Variants in GPBP1 observed in about 807,000 individuals in gnomAD.
GPBP1 encodes the protein vasculin.
A neutral mutation model predicts 56.5 loss-of-function variants in GPBP1; 13 were observed. The observed-to-expected ratio is 0.23, with a 90% CI of 0.15 to 0.37. The LOEUF is 0.37. Ranked by LOEUF, GPBP1 falls within the 10% of genes least tolerant of loss-of-function variation. GPBP1 has a pLI of 1.00. For synonymous variants in GPBP1, 204 were observed against 188.9 expected (o/e 1.08, Z -0.66); for missense variants, 477 against 572.3 (o/e 0.83, Z 1.70).
rs559891341 is a variant in GPBP1 at position 57,240,413 on chromosome 5, A to C, written c.478+4381A>C. 2.6e-5 allele frequency among the ~76,000 whole-genome samples: 4 copies of C among 152,326 alleles called. No individual in the cohort carries two copies. The East Asian group carries it at 7.7e-4, about 29-fold the overall frequency. ...GATGACTCTTGACGTCACTTGGTAT[A>C]GTGCACACTTATAAGCCTCTTACCC... On this transcript the variant is annotated intron_variant, in intron 6 of 11. Transcript: ENST00000506184.
At chr5:57,237,277 T>A in intron 6 of GPBP1, 1 of 811,652 alleles carries the variant, frequency 1.2e-6, no homozygotes, top group East Asian at 2.7e-5. Context: ...TAGGAATAAT[T>A]TGGATTTGAT....
chr5:57,184,395 C>T lies in GPBP1; in HGVS notation c.-58+7995C>T, dbSNP rs1358112787. Among the ~76,000 whole-genome samples the T allele has an allele frequency of 3.3e-5, 5 of 152,148 alleles. No homozygotes were observed. In the East Asian group the frequency reaches 9.7e-4, roughly 29 times the overall value. Reference sequence around the variant, plus strand: ...TGTGTAGGAATCTTGGTAGTGGCATCTGCTTGGCTTCTGGTGAGGCCTCAG... The same window carrying T: ...TGTGTAGGAATCTTGGTAGTGGCATTTGCTTGGCTTCTGGTGAGGCCTCAG... On this transcript the variant is annotated intron_variant, in intron 2 of 11. Coordinates refer to ENST00000506184, the MANE Select transcript of GPBP1 (RefSeq NM_022913.4).
At chr5:57,224,135 A>G (rs2111817929) in intron 3 of GPBP1, among the ~76,000 whole-genome samples, 1 of 151,992 alleles carries the variant, frequency 6.6e-6, no homozygotes, top group African/African-American at 2.4e-5. Context: ...GCCCGGCCTT[A>G]AATTATATTT....
At chr5:57,238,634 T>C (rs1034641810) in intron 6 of GPBP1, among the ~76,000 whole-genome samples, 9 of 152,186 alleles carry the variant, frequency 5.9e-5, no homozygotes, top group African/African-American at 2.2e-4. Flanking sequence ...AGTACTGTTT[T>C]TGTGCCAGTG....
chr5:57,228,291 C>A (rs1485734890), intron 3 of GPBP1, among the ~76,000 whole-genome samples: 1 of 152,002 alleles, frequency 6.6e-6, no homozygotes, highest in Non-Finnish European at 1.5e-5. Flanking sequence ...CCCATCTCTA[C>A]TGAAAGTACA....
At chr5:57,250,371 A>G (rs1741324554) in intron 9 of GPBP1, among the ~76,000 whole-genome samples, 1 of 151,960 alleles carries the variant, frequency 6.6e-6, no homozygotes, top group South Asian at 2.1e-4. Context: ...TTTAAAAAGC[A>G]TTCTTGTTTA....
In GPBP1 at chr5:57,175,577, C is replaced by G. The variant is rs531731161; in HGVS notation, c.-881C>G. On this transcript the variant is annotated 5_prime_UTR_variant, in exon 2 of 12. Coordinates refer to ENST00000506184, the MANE Select transcript of GPBP1 (RefSeq NM_022913.4). Reference sequence around the variant, plus strand: ...TGCCCCAGAAGTTTATTAAAATTGGCAAGAATCGTCTGTGAAGTGAATTGA... The same window carrying G: ...TGCCCCAGAAGTTTATTAAAATTGGGAAGAATCGTCTGTGAAGTGAATTGA... 1 of 398,026 alleles carries G rather than the reference C, an allele frequency of 2.5e-6. No individual in the cohort carries two copies. The highest frequency in any genetic ancestry group is 4.4e-6 in the Non-Finnish European group (1 of 225,826). The allele number at this position is 398,026 out of a possible 1,614,324, so 24.7% of individuals were successfully genotyped here. A position where few individuals can be genotyped will look rare whatever the true frequency, so the allele number is the denominator to read the frequency against.
At chr5:57,196,594 T>C (rs1754757024) in intron 2 of GPBP1, among the ~76,000 whole-genome samples, 1 of 152,076 alleles carries the variant, frequency 6.6e-6, no homozygotes, top group Non-Finnish European at 1.5e-5. Flanking sequence ...TATTTATTTA[T>C]TTATTTATTT....
chr5:57,247,935 A>G (rs1741172707), intron 8 of GPBP1, among the ~76,000 whole-genome samples: 3 of 151,908 alleles, frequency 2.0e-5, no homozygotes, highest in Admixed American at 2.0e-4. Context: ...AGAGACGAGG[A>G]TCTTGCTATG....
intron 2 of GPBP1, among the ~76,000 whole-genome samples, chr5:57,187,018 G>GTGTGTGTGTGTGTGTGTGTA: frequency 6.7e-6 from 1 of 150,084 alleles, no homozygotes; most frequent in East Asian, 1.9e-4. Flanking sequence ...GTGTGTGTGT[G>GTGTGTGTGTGTGTGTGTGTA]TGTGTGTGTG....
intron 10 of GPBP1, among the ~76,000 whole-genome samples, chr5:57,254,611 C>T (rs1290407562): frequency 6.6e-6 from 1 of 150,998 alleles, no homozygotes; most frequent in Non-Finnish European, 1.5e-5. Context: ...ATGAGAATCA[C>T]TTGAATCTGG....
At chr5:57,232,977 A>G (rs1479969014) in intron 5 of GPBP1, among the ~76,000 whole-genome samples, 1 of 152,220 alleles carries the variant, frequency 6.6e-6, no homozygotes. Context: ...AGAGGAAAGG[A>G]TTTAAATTGA....
chr5:57,190,310 C>T (rs1187403806), intron 2 of GPBP1, among the ~76,000 whole-genome samples: 1 of 152,032 alleles, frequency 6.6e-6, no homozygotes, highest in African/African-American at 2.4e-5. Context: ...ATCAGCTGGG[C>T]GTGGTGGCTC....
intron 3 of GPBP1, among the ~76,000 whole-genome samples, chr5:57,215,898 C>T (rs186677131): frequency 6.6e-6 from 1 of 151,352 alleles, no homozygotes; most frequent in African/African-American, 2.4e-5. Flanking sequence ...TTTCTCACTA[C>T]CAGTATCTCC....
intron 10 of GPBP1, among the ~76,000 whole-genome samples, chr5:57,251,987 G>A (rs548647555): frequency 9.2e-5 from 14 of 152,018 alleles, no homozygotes; most frequent in Non-Finnish European, 2.1e-4. Context: ...TAAATACTTC[G>A]CTCATTTAAA....
At chr5:57,220,594 G>T (rs769346240) in intron 3 of GPBP1, among the ~76,000 whole-genome samples, 7 of 151,452 alleles carry the variant, frequency 4.6e-5, no homozygotes, top group Non-Finnish European at 8.8e-5. Context: ...TGAGTAGTTG[G>T]GATTACAGGT....
chr5:57,243,133 T>C lies in GPBP1; in HGVS notation c.479-3167T>C, dbSNP rs139067400. Among the ~76,000 whole-genome samples the C allele has an allele frequency of 6.7e-3, 1,026 of 152,078 alleles. 17 individuals are homozygous for C. Among genetic ancestry groups the C allele is most frequent in the African/African-American group, 0.024 (980 of 41,478 alleles). On this transcript the variant is annotated intron_variant, in intron 6 of 11. Transcript: ENST00000506184. The stretch of plus-strand genomic sequence containing the variant: ...CCCAGGCTGGAGTGCGGTGGTGTGA[T>C]CTTGGCTCACTGCAACCTCCACCTC...
Position 57,249,510 on chromosome 5 carries a change from G to A in GPBP1, c.906G>A (p.Leu302=), listed in dbSNP as rs1425894872. 1.4e-5 allele frequency: 22 copies of A among 1,613,336 alleles called. No homozygotes were observed. The highest frequency in any genetic ancestry group is 1.8e-5 in the Non-Finnish European group (21 of 1,179,736). The change falls in exon 9 of 12, where the codon TTG becomes TTA. Residue 302 remains leucine, a synonymous_variant. Coordinates refer to ENST00000506184, the MANE Select transcript of GPBP1 (RefSeq NM_022913.4). ...RMRTDKKSEF[L]KALKRDRVEE... is the part of the protein sequence containing the mutation. Reference sequence around the variant, plus strand: ...GCACTGATAAGAAGAGTGAATTTTTGAAAGCATTGAAAAGAGACAGAGTAG... The same window carrying A: ...GCACTGATAAGAAGAGTGAATTTTTAAAAGCATTGAAAAGAGACAGAGTAG...
At chr5:57,177,647 C>CTTT (rs1753844680) in intron 2 of GPBP1, among the ~76,000 whole-genome samples, 1 of 90,550 alleles carries the variant, frequency 1.1e-5, no homozygotes, top group African/African-American at 4.2e-5. Flanking sequence ...CCAATTTTTG[C>CTTT]CTTTTTTTTT....
Sources: gnomAD v4.1 joint callset for allele counts (sites outside exome capture counted in the v4.1 genomes callset) on GRCh38, gnomAD v4.1.1 for gene constraint, MANE v1.5 for transcripts, NCBI Gene and HGNC (gene_info 2026-07-23, HGNC 2026-07-21) for gene names.